Variants in NDRG3 observed in about 807,000 individuals in gnomAD.
The protein encoded by NDRG3 is protein NDRG3.
NDRG3 carries 23 observed loss-of-function variants against 57.2 expected under a neutral mutation model. The observed-to-expected ratio is 0.40, with a 90% CI of 0.29 to 0.57. The LOEUF (loss-of-function observed/expected upper bound fraction) is 0.57. Among genes scored for constraint, NDRG3 ranks in the 20% least tolerant of loss-of-function variants. NDRG3 has a pLI of 0.42. For synonymous variants in NDRG3, 132 were observed against 162.6 expected (o/e 0.81, Z 1.43); for missense variants, 384 against 457.3 (o/e 0.84, Z 1.46).
At chr20:36,699,376 G>A (rs371927868) in intron 3 of NDRG3, among the ~76,000 whole-genome samples, 6 of 152,156 alleles carry the variant, frequency 3.9e-5, no homozygotes, top group Middle Eastern at 3.2e-3. Flanking sequence ...TTTGTTTCTT[G>A]AGAGATATAA....
intron 9 of NDRG3, among the ~76,000 whole-genome samples, chr20:36,670,034 C>A (rs1239382800): frequency 6.6e-6 from 1 of 152,216 alleles, no homozygotes; most frequent in Non-Finnish European, 1.5e-5. Flanking sequence ...CAGAGAAGTA[C>A]ACACTCTGTC....
At chr20:36,710,457 C>G (rs1470698499) in intron 2 of NDRG3, among the ~76,000 whole-genome samples, 1 of 151,744 alleles carries the variant, frequency 6.6e-6, no homozygotes, top group Non-Finnish European at 1.5e-5. Flanking sequence ...AATTAGAAAA[C>G]TAGAAAAAAA....
chr20:36,727,808 T>G (rs1236280521), intron 1 of NDRG3, among the ~76,000 whole-genome samples: 5 of 152,102 alleles, frequency 3.3e-5, no homozygotes, highest in African/African-American at 1.2e-4. Context: ...CCCAAAGTGC[T>G]GGGATTACAG....
At chr20:36,670,594 C>A (rs1980061124) in intron 9 of NDRG3, among the ~76,000 whole-genome samples, 1 of 152,206 alleles carries the variant, frequency 6.6e-6, no homozygotes, top group East Asian at 1.9e-4. Flanking sequence ...CTAATAGAAC[C>A]ATGTAAAAAA....
chr20:36,665,474 T>A (rs1231000084), intron 10 of NDRG3, among the ~76,000 whole-genome samples, 173 bp from the exon 11 acceptor site: 1 of 152,136 alleles, frequency 6.6e-6, no homozygotes, highest in African/African-American at 2.4e-5. Context: ...TTCAGTGGCA[T>A]CCTGGGTGGT....
chr20:36,707,415 G>A (rs898644767), intron 2 of NDRG3, among the ~76,000 whole-genome samples: 2 of 152,070 alleles, frequency 1.3e-5, no homozygotes, highest in African/African-American at 4.8e-5. Flanking sequence ...GAAAGGTGAA[G>A]GAGAACAGGT....
chr20:36,732,659 G>T (rs979181765), intron 1 of NDRG3, among the ~76,000 whole-genome samples: 1 of 152,120 alleles, frequency 6.6e-6, no homozygotes, highest in East Asian at 1.9e-4. Context: ...CCACCAGCAT[G>T]AGCCTTACTA....
At chr20:36,700,138 G>C (rs1215953034) in intron 3 of NDRG3, among the ~76,000 whole-genome samples, 1 of 146,032 alleles carries the variant, frequency 6.8e-6, no homozygotes, top group Non-Finnish European at 1.5e-5. Context: ...AAAAAAAGTA[G>C]ATGAAGGAAT....
At chr20:36,676,931 G>C (rs891147183) in intron 8 of NDRG3, among the ~76,000 whole-genome samples, 1 of 152,250 alleles carries the variant, frequency 6.6e-6, no homozygotes, top group Admixed American at 6.5e-5. Flanking sequence ...TATGGAGCAA[G>C]CAGGATCCCC....
chr20:36,691,694 T>C (rs1237473943), intron 3 of NDRG3, among the ~76,000 whole-genome samples: 1 of 152,136 alleles, frequency 6.6e-6, no homozygotes, highest in Non-Finnish European at 1.5e-5. Flanking sequence ...CCAGCCTGGG[T>C]GACAGAGTGA....
chr20:36,714,146 T>G (rs1984079312), intron 2 of NDRG3, among the ~76,000 whole-genome samples: 1 of 151,942 alleles, frequency 6.6e-6, no homozygotes, highest in South Asian at 2.1e-4. Flanking sequence ...ATCCCAGCAC[T>G]CTGAGAGGCT....
At chr20:36,732,302 G>A (rs1387467399) in intron 1 of NDRG3, among the ~76,000 whole-genome samples, 2 of 152,176 alleles carry the variant, frequency 1.3e-5, no homozygotes, top group African/African-American at 4.8e-5. Context: ...AACATGTAGA[G>A]GCTTTGGTTG....
intron 2 of NDRG3, among the ~76,000 whole-genome samples, chr20:36,716,423 C>T (rs1984279097): frequency 6.6e-6 from 1 of 151,118 alleles, no homozygotes; most frequent in Admixed American, 6.6e-5. Flanking sequence ...ATCCCAGCTA[C>T]TTGGGAGGCT....
chr20:36,712,248 G>A lies in NDRG3; in HGVS notation c.58-5241C>T, dbSNP rs140163459. Among the ~76,000 whole-genome samples the A allele has an allele frequency of 2.1e-3, 323 of 151,598 alleles. 2 individuals are homozygous for A. The highest frequency in any genetic ancestry group is 2.7e-3 in the South Asian group (13 of 4,798). On this transcript the variant is annotated intron_variant, in intron 2 of 15. Coordinates refer to ENST00000349004, the MANE Select transcript of NDRG3 (RefSeq NM_032013.4). ...AGTTTCTGAATGGGGATCATTAGCT[G>A]GTCCTTCACTCAACTGTGATTAACT...
intron 8 of NDRG3, among the ~76,000 whole-genome samples, chr20:36,675,389 TTTTGG>T (rs1980589582): frequency 7.3e-6 from 1 of 137,694 alleles, no homozygotes; most frequent in South Asian, 2.3e-4. Context: ...AGTTGTTTTT[TTTTGG>T]GGGGTGGGGG....
intron 3 of NDRG3, among the ~76,000 whole-genome samples, chr20:36,693,582 A>T (rs567860066): frequency 3.9e-5 from 6 of 151,900 alleles, no homozygotes; most frequent in Non-Finnish European, 8.8e-5. Flanking sequence ...GGTAAGAGCA[A>T]AGCTTCTGTC....
At chr20:36,740,084 C>T (rs1985853960) in intron 1 of NDRG3, among the ~76,000 whole-genome samples, 1 of 152,080 alleles carries the variant, frequency 6.6e-6, no homozygotes, top group South Asian at 2.1e-4. Context: ...AATGCTATAG[C>T]TAAAGCCTGG....
intron 1 of NDRG3, among the ~76,000 whole-genome samples, chr20:36,722,050 G>A (rs1158674833): frequency 2.0e-5 from 3 of 152,156 alleles, no homozygotes; most frequent in Non-Finnish European, 4.4e-5. Context: ...CGGCAAAAGT[G>A]ATGGAATGTA....
chr20:36,714,499 T>C (rs1325340117), intron 2 of NDRG3, among the ~76,000 whole-genome samples: 2 of 148,074 alleles, frequency 1.4e-5, no homozygotes, highest in Non-Finnish European at 3.0e-5. Context: ...TGGAGTGCAA[T>C]AGCGCGATCT....
Sources: allele counts gnomAD v4.1 joint callset (sites outside exome capture counted in the v4.1 genomes callset), GRCh38; gene constraint gnomAD v4.1.1; transcripts MANE v1.5; gene names NCBI Gene and HGNC (gene_info 2026-07-23, HGNC 2026-07-21).